ALK: variants seen among roughly 807,000 people sequenced by gnomAD.
The protein encoded by ALK is ALK tyrosine kinase receptor.
In ALK, 74 loss-of-function variants were observed where a neutral mutation model predicts 163.1. That is an observed-to-expected ratio of 0.45 (90% CI 0.38 to 0.55). The LOEUF is 0.55. ALK is among the 20% of genes least tolerant of loss of function. ALK has a pLI of 0.00. For missense variants in ALK, 2,063 were observed against 2,105.3 expected (o/e 0.98, Z 0.39); for synonymous variants, 960 against 843.2 (o/e 1.14, Z -2.40).
rs151001168 is a variant in ALK at position 29,327,080 on chromosome 2, C to T, written c.1414+1270G>A. On this transcript the variant is annotated intron_variant, in intron 6 of 28. Coordinates refer to ENST00000389048, the MANE Select transcript of ALK (RefSeq NM_004304.5). Reference sequence around the variant, plus strand: ...CAGCTGCCTGTAGGTATTCTGGAAGCGTTGGTGGTTTCAGTGGCAAAAACA... The same window carrying T: ...CAGCTGCCTGTAGGTATTCTGGAAGTGTTGGTGGTTTCAGTGGCAAAAACA... Among the ~76,000 whole-genome samples the T allele has an allele frequency of 4.5e-3, 693 of 152,322 alleles. 3 individuals carry two copies. The highest frequency in any genetic ancestry group is 7.2e-3 in the Non-Finnish European group (489 of 68,028).
rs114505520 is a variant in ALK at position 29,448,758 on chromosome 2, T to A, written c.1155-64899A>T. Among the ~76,000 whole-genome samples, 1,180 of 152,176 alleles carry A rather than the reference T, an allele frequency of 7.8e-3. 20 individuals are homozygous for A. Among genetic ancestry groups the A allele is most frequent in the African/African-American group, 0.028 (1,148 of 41,508 alleles). On this transcript the variant is annotated intron_variant, in intron 4 of 28. Coordinates refer to ENST00000389048, the MANE Select transcript of ALK (RefSeq NM_004304.5). ...AGCCATGCAGGTGAATAAAAACAAA[T>A]CCTGAAAGTACAGAGTCTCAAGGTT... is the stretch of plus-strand genomic sequence containing the variant.
At chr2:29,510,017 G>A (rs1672466377) in intron 4 of ALK, among the ~76,000 whole-genome samples, 1 of 152,226 alleles carries the variant, frequency 6.6e-6, no homozygotes, top group African/African-American at 2.4e-5. Flanking sequence ...GGGATCATGG[G>A]TGTAAAGGAA....
At chr2:29,406,524 C>T (rs906823753) in intron 4 of ALK, among the ~76,000 whole-genome samples, 1 of 152,144 alleles carries the variant, frequency 6.6e-6, no homozygotes, top group Admixed American at 6.5e-5. Flanking sequence ...TAGAAGCTGA[C>T]CGATTGCTGA....
At chr2:29,724,113 G>A (rs377122885) in intron 1 of ALK, among the ~76,000 whole-genome samples, 37 of 152,202 alleles carry the variant, frequency 2.4e-4, no homozygotes, top group African/African-American at 8.2e-4. Context: ...CATGTGTGAT[G>A]GTTATTTACA....
At chr2:29,814,468 G>A (rs925618503) in intron 1 of ALK, among the ~76,000 whole-genome samples, 1 of 151,868 alleles carries the variant, frequency 6.6e-6, no homozygotes, top group African/African-American at 2.4e-5. Context: ...AGACCATCCT[G>A]GCTAACACAG....
At chr2:29,570,086 G>A (rs558822083) in intron 3 of ALK, among the ~76,000 whole-genome samples, 2 of 152,296 alleles carry the variant, frequency 1.3e-5, no homozygotes, top group African/African-American at 2.4e-5. Context: ...CAGAGCCTCT[G>A]GGTAGAGTTT....
At chr2:29,691,023 G>A (rs1678379118) in intron 3 of ALK, among the ~76,000 whole-genome samples, 1 of 152,180 alleles carries the variant, frequency 6.6e-6, no homozygotes, top group African/African-American at 2.4e-5. Context: ...CTTGGCCATT[G>A]TGCAGAATGG....
At chr2:29,259,721 AC>A (rs1330391715) in intron 11 of ALK, among the ~76,000 whole-genome samples, 1 of 152,090 alleles carries the variant, frequency 6.6e-6, no homozygotes, top group Non-Finnish European at 1.5e-5. Flanking sequence ...ACACATTGGT[AC>A]CGCTCATTCT....
intron 5 of ALK, among the ~76,000 whole-genome samples, chr2:29,347,252 C>G (rs1204680832): frequency 6.6e-6 from 1 of 152,168 alleles, no homozygotes; most frequent in Non-Finnish European, 1.5e-5. Flanking sequence ...AGAGTGGGGT[C>G]TCTGGCCCTG....
intron 1 of ALK, among the ~76,000 whole-genome samples, chr2:29,796,106 A>G (rs1664303094): frequency 6.6e-6 from 1 of 152,206 alleles, no homozygotes. Context: ...ACGTCTAAAC[A>G]GAAGATCTAG....
chr2:29,455,531 A>T (rs555524893), intron 4 of ALK, among the ~76,000 whole-genome samples: 2 of 152,142 alleles, frequency 1.3e-5, no homozygotes, highest in South Asian at 4.1e-4. Context: ...TCTTCTTTTC[A>T]CTGCTTCTAT....
chr2:29,832,268 G>C (rs1665440407), intron 1 of ALK, among the ~76,000 whole-genome samples: 3 of 152,200 alleles, frequency 2.0e-5, no homozygotes, highest in Admixed American at 2.0e-4. Flanking sequence ...GAGCAAGCAG[G>C]TGGCAGTTTC....
intron 4 of ALK, among the ~76,000 whole-genome samples, chr2:29,403,644 G>C (rs1476234245): frequency 7.6e-6 from 1 of 131,576 alleles, no homozygotes; most frequent in African/African-American, 2.8e-5. Flanking sequence ...GGGAGGCTGA[G>C]TCAGGAGGAT....
chr2:29,472,113 C>T (rs1369407410), intron 4 of ALK, among the ~76,000 whole-genome samples: 1 of 152,166 alleles, frequency 6.6e-6, no homozygotes, highest in Non-Finnish European at 1.5e-5. Context: ...ACCCTGGGAA[C>T]CCACTCACCA....
chr2:29,242,547 GC>G (rs1664550346), intron 12 of ALK, among the ~76,000 whole-genome samples: 1 of 152,124 alleles, frequency 6.6e-6, no homozygotes, highest in Non-Finnish European at 1.5e-5. Context: ...ACATCTGAGA[GC>G]CAGCCCCATC....
At chr2:29,850,931 C>T (rs186207709) in intron 1 of ALK, among the ~76,000 whole-genome samples, 6 of 152,348 alleles carry the variant, frequency 3.9e-5, no homozygotes, top group African/African-American at 1.2e-4. Flanking sequence ...CCTGGAGATG[C>T]CTGGCACCCT....
chr2:29,586,688 A>G (rs1357064575), intron 3 of ALK, among the ~76,000 whole-genome samples: 1 of 152,210 alleles, frequency 6.6e-6, no homozygotes. Context: ...AGTAGGCGAC[A>G]ACTTGTGCAG....
At chr2:29,814,838 T>C (rs1289434675) in intron 1 of ALK, among the ~76,000 whole-genome samples, 1 of 110,914 alleles carries the variant, frequency 9.0e-6, no homozygotes, top group Non-Finnish European at 2.2e-5. Flanking sequence ...TGAGAAATTG[T>C]AAGTACAATT....
intron 5 of ALK, among the ~76,000 whole-genome samples, chr2:29,353,975 C>T (rs565363356): frequency 2.0e-5 from 3 of 152,316 alleles, no homozygotes; most frequent in South Asian, 4.1e-4. Flanking sequence ...AAAGGACAGC[C>T]TTTGGTCCTT....
Sources: allele counts gnomAD v4.1 joint callset (sites outside exome capture counted in the v4.1 genomes callset), GRCh38; gene constraint gnomAD v4.1.1; transcripts MANE v1.5; gene names NCBI Gene and HGNC (gene_info 2026-07-23, HGNC 2026-07-21).